Variants in CNTN5 observed in about 807,000 individuals in gnomAD.
CNTN5 encodes the protein contactin-5.
In CNTN5, 77 loss-of-function variants were observed where a neutral mutation model predicts 129.1. That is an observed-to-expected ratio of 0.60 (90% CI 0.50 to 0.72). CNTN5 has a LOEUF of 0.72. Ranked by LOEUF, CNTN5 falls within the 30% of genes least tolerant of loss-of-function variation. The probability of loss-of-function intolerance (pLI) is 0.00; values close to 1 mark genes in which losing one functional copy is unlikely to be tolerated. For synonymous variants in CNTN5, 509 were observed against 465.6 expected (o/e 1.09, Z -1.20); for missense variants, 1,478 against 1,328.8 (o/e 1.11, Z -1.75).
intron 2 of CNTN5, among the ~76,000 whole-genome samples, chr11:99,501,001 A>C (rs530392923): frequency 2.6e-5 from 4 of 152,170 alleles, no homozygotes; most frequent in Non-Finnish European, 4.4e-5. Context: ...AAGATCCTTG[A>C]TATATGCACC....
At chr11:100,136,585 CA>C (rs992113614) in intron 13 of CNTN5, among the ~76,000 whole-genome samples, 6 of 151,146 alleles carry the variant, frequency 4.0e-5, no homozygotes, top group South Asian at 2.1e-4. Flanking sequence ...AATCATTATA[CA>C]AAAAAAATCA....
At chr11:99,757,245 T>G (rs1944434102) in intron 3 of CNTN5, among the ~76,000 whole-genome samples, 1 of 152,068 alleles carries the variant, frequency 6.6e-6, no homozygotes. Context: ...GCTCTTTCTG[T>G]GTGGCTCTGT....
chr11:99,492,806 C>T (rs977005775), intron 2 of CNTN5, among the ~76,000 whole-genome samples: 3 of 152,114 alleles, frequency 2.0e-5, no homozygotes, highest in African/African-American at 7.2e-5. Context: ...GGGAGCCAGG[C>T]ATGCAGAACT....
intron 2 of CNTN5, among the ~76,000 whole-genome samples, chr11:99,376,859 A>T (rs1940216505): frequency 6.6e-6 from 1 of 152,186 alleles, no homozygotes; most frequent in African/African-American, 2.4e-5. Context: ...TTCTATTCTC[A>T]TGATGCACAA....
intron 1 of CNTN5, among the ~76,000 whole-genome samples, chr11:99,070,263 T>C (rs1281258500): frequency 6.6e-6 from 1 of 152,174 alleles, no homozygotes; most frequent in Non-Finnish European, 1.5e-5. Context: ...TTTGCACAGG[T>C]CTCACCCTTT....
chr11:100,204,250 T>C (rs1182969064), intron 15 of CNTN5, among the ~76,000 whole-genome samples: 2 of 120,086 alleles, frequency 1.7e-5, no homozygotes, highest in Non-Finnish European at 3.4e-5. Context: ...GTATATGAAC[T>C]AAAAACTAGC....
At chr11:99,916,697 G>T (rs1281217416) in intron 7 of CNTN5, among the ~76,000 whole-genome samples, 1 of 152,106 alleles carries the variant, frequency 6.6e-6, no homozygotes, top group African/African-American at 2.4e-5. Context: ...GCTTGAGGAA[G>T]CAGAAAACTA....
chr11:99,284,437 C>T (rs1217448270), intron 1 of CNTN5, among the ~76,000 whole-genome samples: 4 of 152,044 alleles, frequency 2.6e-5, no homozygotes, highest in Non-Finnish European at 5.9e-5. Context: ...GTGGCTCCAA[C>T]GGTGACTTGT....
At chr11:99,970,946 C>T (rs1951234027) in intron 8 of CNTN5, among the ~76,000 whole-genome samples, 1 of 152,070 alleles carries the variant, frequency 6.6e-6, no homozygotes, top group African/African-American at 2.4e-5. Flanking sequence ...CATGAAGTAC[C>T]CTCTTAACTC....
chr11:99,900,896 A>G (rs1312107464), intron 6 of CNTN5, among the ~76,000 whole-genome samples: 1 of 152,014 alleles, frequency 6.6e-6, no homozygotes, highest in Non-Finnish European at 1.5e-5. Context: ...AGCCTCATAC[A>G]TGTCTCTAAA....
intron 2 of CNTN5, among the ~76,000 whole-genome samples, chr11:99,411,561 T>C (rs548059457): frequency 6.6e-6 from 1 of 152,186 alleles, no homozygotes; most frequent in African/African-American, 2.4e-5. Context: ...TTAAAAAAAT[T>C]AGAAAGAAGC....
intron 2 of CNTN5, among the ~76,000 whole-genome samples, chr11:99,380,074 G>GGTGTGT (rs1245400996): frequency 8.3e-6 from 1 of 120,682 alleles, no homozygotes; most frequent in African/African-American, 3.7e-5. Flanking sequence ...GTCTCATAAT[G>GGTGTGT]GTGTGTCTGT....
intron 2 of CNTN5, among the ~76,000 whole-genome samples, chr11:99,451,024 C>G (rs562521245): frequency 6.6e-6 from 1 of 151,780 alleles, no homozygotes; most frequent in African/African-American, 2.4e-5. Flanking sequence ...GTGATATATC[C>G]GACACAGTTT....
chr11:100,070,900 T>C (rs1368264151), intron 11 of CNTN5, among the ~76,000 whole-genome samples: 1 of 152,120 alleles, frequency 6.6e-6, no homozygotes, highest in Non-Finnish European at 1.5e-5. Flanking sequence ...AATATTATCA[T>C]AGATTTATTT....
rs376925573 is a variant in CNTN5, at chr11:99,591,376, C to T, written c.55+35107C>T. Among the ~76,000 whole-genome samples, 9 of 123,562 alleles carry T rather than the reference C, an allele frequency of 7.3e-5. No homozygotes were observed. The East Asian group carries it at 1.3e-3, about 18-fold the overall frequency. 81.1% of individuals were successfully genotyped at this position (123,562 alleles called of 152,430 possible). A position where few individuals can be genotyped will look rare whatever the true frequency, so the allele number is the denominator to read the frequency against. On this transcript the variant is annotated intron_variant, in intron 3 of 24. Coordinates refer to ENST00000524871, the MANE Select transcript of CNTN5 (RefSeq NM_014361.4). Reference sequence around the variant, plus strand: ...TTTTTGAGACAGAATCTTGCTCTGTCGCCCAGGCTGGAGTGCAGTGGCGTG... The same window carrying T: ...TTTTTGAGACAGAATCTTGCTCTGTTGCCCAGGCTGGAGTGCAGTGGCGTG...
intron 1 of CNTN5, among the ~76,000 whole-genome samples, chr11:99,024,987 T>A (rs1292614258): frequency 6.6e-6 from 1 of 152,010 alleles, no homozygotes; most frequent in Non-Finnish European, 1.5e-5. Flanking sequence ...GGTGTAAAGT[T>A]GTTTTTTCTC....
chr11:99,489,877 AT>A (rs1372514458), intron 2 of CNTN5, among the ~76,000 whole-genome samples: 4 of 152,158 alleles, frequency 2.6e-5, no homozygotes, highest in Non-Finnish European at 4.4e-5. Flanking sequence ...AAAGAGAGAG[AT>A]TGAATGTAAA....
At chr11:99,450,257 AATATAT>A (rs56270711) in intron 2 of CNTN5, among the ~76,000 whole-genome samples, 6,033 of 145,924 alleles carry the variant, frequency 0.041, 282 homozygotes, top group East Asian at 0.14. Context: ...TGCTGGTAGA[AATATAT>A]ATATATATAT....
intron 8 of CNTN5, among the ~76,000 whole-genome samples, chr11:99,980,741 C>T (rs530161449): frequency 6.6e-6 from 1 of 151,942 alleles, no homozygotes; most frequent in Non-Finnish European, 1.5e-5. Context: ...ATAATATGTT[C>T]AGCCTAAAAG....
Sources: gnomAD v4.1 joint callset for allele counts (sites outside exome capture counted in the v4.1 genomes callset) on GRCh38, gnomAD v4.1.1 for gene constraint, MANE v1.5 for transcripts, NCBI Gene and HGNC (gene_info 2026-07-23, HGNC 2026-07-21) for gene names.